NEB: variants seen among roughly 807,000 people sequenced by gnomAD.
The protein encoded by NEB is nemaline myopathy type 2.
NEB carries 512 observed loss-of-function variants against 952.2 expected under a neutral mutation model. The ratio of observed to expected loss-of-function variants is 0.54; its 90% confidence interval spans 0.50 to 0.58. The LOEUF is 0.58. Among genes scored for constraint, NEB ranks in the 20% least tolerant of loss-of-function variants. NEB has a pLI of 0.00. For missense variants in NEB, 8,428 were observed against 9,231.1 expected (o/e 0.91, Z 3.56); for synonymous variants, 2,900 against 3,149.8 (o/e 0.92, Z 2.66).
rs770352276 is a variant in NEB, at chr2:151,684,935, T to C, written c.2678A>G (p.Tyr893Cys). The change falls in exon 28 of 182, where the codon TAC becomes TGC. Residue 893 changes from tyrosine (Y) to cysteine (C), a missense_variant. Physicochemically the swap from Tyr to Cys is radical, Grantham distance 194. Transcript: ENST00000397345. ...TTGGAGCATATCAAGAGGTGCCGTG[T>C]AGATAGTTTTTGACTTTTCATAATC... is the stretch of plus-strand genomic sequence containing the variant. The part of the protein sequence containing the change: ...RKDYEKSKTI[Y>C]TAPLDMLQVT... The C allele has an allele frequency of 6.2e-7, 1 of 1,612,616 alleles. No individual in the cohort carries two copies. Among genetic ancestry groups the C allele is most frequent in the Non-Finnish European group, 8.5e-7 (1 of 1,179,346 alleles).
At chr2:151,684,560 T>C (rs957531001) in intron 28 of NEB, among the ~76,000 whole-genome samples, 2 of 152,162 alleles carry the variant, frequency 1.3e-5, no homozygotes, top group African/African-American at 4.8e-5. Flanking sequence ...TTAGCAAGGT[T>C]GACATATTTC....
At chr2:151,489,914 G>A (rs2054794331) in intron 181 of NEB, 57 bp downstream of exon 181, 5 of 1,335,818 alleles carry the variant, frequency 3.7e-6, no homozygotes, top group Non-Finnish European at 5.4e-6. Flanking sequence ...TTATAATCAT[G>A]TTTGCACATA....
intron 36 of NEB, among the ~76,000 whole-genome samples, chr2:151,673,726 CTTTT>C (rs2099327945): frequency 7.8e-6 from 1 of 128,954 alleles, no homozygotes; most frequent in Admixed American, 9.9e-5. Context: ...AAAAATTTTT[CTTTT>C]TCTTTTTTTT....
intron 119 of NEB, among the ~76,000 whole-genome samples, chr2:151,563,119 A>C (rs1352297861): frequency 6.7e-6 from 1 of 149,008 alleles, no homozygotes; most frequent in Non-Finnish European, 1.5e-5. Context: ...GGTTCAAATA[A>C]TTCTCATGCC....
At chr2:151,659,243 C>CAT (rs1418758596) in intron 46 of NEB, 74 bp from the exon 47 acceptor site, 1 of 761,050 alleles carries the variant, frequency 1.3e-6, no homozygotes, top group East Asian at 2.6e-5. Context: ...TATCATTGTA[C>CAT]ATATATATCA....
intron 78 of NEB, 79 bp from the exon 79 acceptor site, chr2:151,610,945 A>T: frequency 2.4e-6 from 2 of 847,858 alleles, no homozygotes; most frequent in Non-Finnish European, 3.6e-6. Flanking sequence ...ACATCATTAC[A>T]GTTGTTAGCA....
At chr2:151,570,454 C>T (rs1447526871) in intron 108 of NEB, 43 bp downstream of exon 108, 6 of 1,582,976 alleles carry the variant, frequency 3.8e-6, no homozygotes, top group Admixed American at 1.9e-5. Context: ...CCTAGGGCAT[C>T]GGCTGAAAAA....
chr2:151,622,941 A>G (rs2154033225), intron 71 of NEB, among the ~76,000 whole-genome samples: 1 of 152,262 alleles, frequency 6.6e-6, no homozygotes. Context: ...TTGTTTTAAC[A>G]TGAGAGAAGA....
At position 151,553,622 on chromosome 2, in the gene NEB, T is replaced by C. The variant is rs1028943850; in HGVS notation, c.19627-120A>G. The C allele has an allele frequency of 4.4e-5, 38 of 861,442 alleles. No individual in the cohort carries two copies. In the South Asian group the frequency reaches 5.2e-4, roughly 12 times the overall value. 53.4% of individuals were successfully genotyped at this position (861,442 alleles called of 1,614,324 possible). A position where few individuals can be genotyped will look rare whatever the true frequency, so the allele number is the denominator to read the frequency against. ...TGTGGAATGAGGAGCAAAGGCATTA[T>C]GCAAAGAGGCTCAGGGGAGCCACAG... On this transcript the variant is annotated intron_variant, in intron 126 of 181. Coordinates refer to ENST00000397345, the MANE Select transcript of NEB (RefSeq NM_001164508.2).
chr2:151,512,967 T>C (rs1467027992), intron 160 of NEB, 130 bp from the exon 161 acceptor site: 2 of 659,402 alleles, frequency 3.0e-6, no homozygotes, highest in Non-Finnish European at 5.3e-6. Flanking sequence ...TCAACAGATA[T>C]TTCTTCCTAT....
At chr2:151,607,769 G>A (rs1284398891) in intron 82 of NEB, among the ~76,000 whole-genome samples, 161 bp from the exon 83 acceptor site, 1 of 10,214 alleles carries the variant, frequency 9.8e-5, no homozygotes, top group African/African-American at 2.0e-4. Context: ...AGCTTGGCTG[G>A]GGCATGGTAC....
Position 151,643,809 on chromosome 2 carries a change from T to C in NEB, c.7956+9A>G, listed in dbSNP as rs1280854795. The C allele has an allele frequency of 3.1e-6, 5 of 1,609,620 alleles. No individual in the cohort carries two copies. The highest frequency in any genetic ancestry group is 4.2e-6 in the Non-Finnish European group (5 of 1,176,612). On this transcript the variant is annotated intron_variant, in intron 57 of 181. Transcript: ENST00000397345. ...TGTTTTGTTGGCCAAAGGAAAATCT[T>C]AGACTCACATCGCTCTGGAGGTCAT...
At chr2:151,671,778 G>A (rs1019875770) in intron 37 of NEB, among the ~76,000 whole-genome samples, 1 of 152,170 alleles carries the variant, frequency 6.6e-6, no homozygotes, top group African/African-American at 2.4e-5. Flanking sequence ...TTTATCGAGT[G>A]CCAATAAATG....
At chr2:151,535,990 T>C (rs932233845) in intron 141 of NEB, among the ~76,000 whole-genome samples, 195 bp from the exon 142 acceptor site, 2 of 152,190 alleles carry the variant, frequency 1.3e-5, no homozygotes, top group Non-Finnish European at 2.9e-5. Flanking sequence ...CACTGCAACC[T>C]CCGCCTCCCA....
In NEB at chr2:151,665,322, T is replaced by C; in HGVS notation, c.5238+11A>G. ...GGGTTCCCTGGGCGAGGCTGGCAGG[T>C]GAGTCCTTACCTTGTCCATGTTCAG... is the stretch of plus-strand genomic sequence containing the variant. On this transcript the variant is annotated intron_variant, in intron 42 of 181. Transcript: ENST00000397345. The C allele has an allele frequency of 6.2e-7, 1 of 1,612,080 alleles. No homozygotes were observed. The highest frequency in any genetic ancestry group is 8.5e-7 in the Non-Finnish European group (1 of 1,179,022).
chr2:151,630,834 A>C lies in NEB; in HGVS notation c.9619-15T>G, dbSNP rs928391903. On this transcript the variant is annotated splice_polypyrimidine_tract_variant and intron_variant, in intron 66 of 181. Coordinates refer to ENST00000397345, the MANE Select transcript of NEB (RefSeq NM_001164508.2). ...GTGTATAAACGCTATAAAAGAAGAT[A>C]AGATGCTGATTAAAAATCATTTGAA... The C allele has an allele frequency of 1.3e-6, 2 of 1,550,040 alleles. No homozygotes were observed. The highest frequency in any genetic ancestry group is 2.7e-5 in the African/African-American group (2 of 72,882).
At chr2:151,708,390 C>T (rs2099727808) in intron 12 of NEB, among the ~76,000 whole-genome samples, 1 of 152,158 alleles carries the variant, frequency 6.6e-6, no homozygotes, top group Non-Finnish European at 1.5e-5. Flanking sequence ...GTTCAGGTCA[C>T]CAGAGACCAG....
At chr2:151,531,417 A>C (rs2153495520) in intron 144 of NEB, among the ~76,000 whole-genome samples, 1 of 148,916 alleles carries the variant, frequency 6.7e-6, no homozygotes, top group African/African-American at 2.5e-5. Context: ...CCTGGGCTCA[A>C]GCAATTGTCA....
chr2:151,540,676 A>G lies in NEB; in HGVS notation c.20787+21T>C. The stretch of plus-strand genomic sequence containing the variant: ...TATTTTTCTTTTTACCCAGTGCCTC[A>G]GTGCTGAATTCCCATCTTACCTCAC... On this transcript the variant is annotated intron_variant, in intron 137 of 181. Coordinates refer to ENST00000397345, the MANE Select transcript of NEB (RefSeq NM_001164508.2). The G allele has an allele frequency of 2.5e-6, 4 of 1,594,436 alleles. No individual in the cohort carries two copies. The South Asian group carries it at 4.4e-5, about 18-fold the overall frequency.
Sources: allele counts gnomAD v4.1 joint callset (sites outside exome capture counted in the v4.1 genomes callset), GRCh38; gene constraint gnomAD v4.1.1; transcripts MANE v1.5; gene names NCBI Gene and HGNC (gene_info 2026-07-23, HGNC 2026-07-21).